The following MYH11 variants were observed in gnomAD, a reference collection of about 807,000 sequenced individuals.
MYH11 encodes the protein myosin-11.
Under a neutral mutation model 246.6 loss-of-function variants are expected in MYH11, and 80 were observed. The ratio of observed to expected loss-of-function variants is 0.32; its 90% CI spans 0.27 to 0.39. The LOEUF (loss-of-function observed/expected upper bound fraction) is 0.39. Among genes scored for constraint, MYH11 ranks in the 10% least tolerant of loss-of-function variants. The probability of loss-of-function intolerance (pLI) is 1.00; values close to 1 mark genes in which losing one functional copy is unlikely to be tolerated. For synonymous variants in MYH11, 1,071 were observed against 1,015.5 expected, an observed-to-expected ratio of 1.05 and a Z score of -1.04; for missense variants, 2,158 against 2,546.8, an observed-to-expected ratio of 0.85 and a Z score of 3.29.
At chr16:15,841,899 G>A (rs181411306) in intron 1 of MYH11, among the ~76,000 whole-genome samples, 1 of 152,212 alleles carries the variant, frequency 6.6e-6, no homozygotes, top group Admixed American at 6.5e-5. Context: ...TAATCCCCAC[G>A]CTTGGGCCCC....
chr16:15,776,056 C>T, intron 8 of MYH11, 22 bp downstream of exon 8: 1 of 1,547,778 alleles, frequency 6.5e-7, no homozygotes, highest in South Asian at 1.1e-5. Context: ...CATCCAATCA[C>T]ATGTCATTGC....
At chr16:15,763,741 T>TCCCCCCCCCCCCCCCCCCCCCC in intron 10 of MYH11, 55 bp downstream of exon 10, 3 of 646,842 alleles carry the variant, frequency 4.6e-6, no homozygotes, top group East Asian at 3.2e-5. Context: ...AAATGTCACC[T>TCCCCCCCCCCCCCCCCCCCCCC]CCCCCACCCC....
chr16:15,767,692 C>G (rs1010061343), intron 9 of MYH11, among the ~76,000 whole-genome samples: 8 of 152,004 alleles, frequency 5.3e-5, no homozygotes, highest in African/African-American at 1.9e-4. Context: ...AAGATGAGAT[C>G]ATCTTGGATT....
In MYH11 at chr16:15,717,307, C is replaced by T. The variant is rs906883862; in HGVS notation, c.5337G>A (p.Thr1779=). 6 of 1,612,150 alleles carry T rather than the reference C, an allele frequency of 3.7e-6. No homozygotes were observed. Among genetic ancestry groups the T allele is most frequent in the African/African-American group, 2.7e-5 (2 of 75,064 alleles). Residue 1779 remains threonine, a synonymous_variant, in exon 38 of 41, where the codon ACG becomes ACA. Coordinates refer to ENST00000300036, the MANE Select transcript of MYH11 (RefSeq NM_002474.3). Reference sequence around the variant, plus strand: ...GCCGGGCACTCTCATTCTTCTGGGCCGTGCTGCGCTCTGTGGCCAGCTCGT... The same window carrying T: ...GCCGGGCACTCTCATTCTTCTGGGCTGTGCTGCGCTCTGTGGCCAGCTCGT... ...LSNELATERS[T]AQKNESARQQ... is the part of the protein sequence containing the mutation.
chr16:15,748,783 T>C (rs973867518), intron 16 of MYH11, among the ~76,000 whole-genome samples: 1 of 151,766 alleles, frequency 6.6e-6, no homozygotes, highest in Non-Finnish European at 1.5e-5. Context: ...GCCTGGAAAA[T>C]TTTTAAAAAT....
chr16:15,818,727 T>C (rs188787431), intron 3 of MYH11, among the ~76,000 whole-genome samples: 1,933 of 152,008 alleles, frequency 0.013, 29 homozygotes, highest in Middle Eastern at 0.024. Flanking sequence ...TTAGCCACCG[T>C]GCCCGATTCT....
chr16:15,773,816 A>T (rs1430827200), intron 8 of MYH11, among the ~76,000 whole-genome samples: 1 of 152,218 alleles, frequency 6.6e-6, no homozygotes, highest in Non-Finnish European at 1.5e-5. Flanking sequence ...TAGCAAAAAC[A>T]GTTTGCCAAC....
intron 9 of MYH11, among the ~76,000 whole-genome samples, chr16:15,769,118 G>C (rs1032768481): frequency 8.5e-5 from 13 of 152,280 alleles, no homozygotes; most frequent in African/African-American, 2.9e-4. Context: ...TTTAAGACCA[G>C]CCTGGCCAAC....
chr16:15,739,122 CAG>C (rs1407216313), intron 23 of MYH11, among the ~76,000 whole-genome samples: 1 of 150,102 alleles, frequency 6.7e-6, no homozygotes, highest in African/African-American at 2.5e-5. Context: ...TTTTTTGAGA[CAG>C]AGTCTCACTC....
At chr16:15,776,947 T>G (rs995353811) in intron 7 of MYH11, among the ~76,000 whole-genome samples, 2 of 152,082 alleles carry the variant, frequency 1.3e-5, no homozygotes, top group African/African-American at 4.8e-5. Context: ...GCACTAAGCA[T>G]GATGGTGCGG....
At chr16:15,746,634 G>A (rs930548824) in intron 19 of MYH11, among the ~76,000 whole-genome samples, 1 of 152,068 alleles carries the variant, frequency 6.6e-6, no homozygotes, top group Non-Finnish European at 1.5e-5. Context: ...GCAGTCCCTG[G>A]GGTATGACTT....
intron 33 of MYH11, 87 bp from the exon 34 acceptor site, chr16:15,720,399 C>T: frequency 6.6e-7 from 1 of 1,508,820 alleles, no homozygotes; most frequent in Non-Finnish European, 9.0e-7. Context: ...TGCACCCCTT[C>T]CCCAGCACAG....
Position 15,708,856 on chromosome 16 carries a change from G to A in MYH11, c.5787-4733C>T, listed in dbSNP as rs772569815. On this transcript the variant is annotated intron_variant, in intron 40 of 40. Transcript: ENST00000300036. ...GGGGGGGCCCTCTGAAACAGAGAGA[G>A]AATCCCCGGAGGTTACCATCAGCAA... 33 of 1,608,476 alleles carry A rather than the reference G, an allele frequency of 2.1e-5. No individual in the cohort carries two copies. Among genetic ancestry groups the A allele is most frequent in the Non-Finnish European group, 2.7e-5 (32 of 1,177,688 alleles).
At chr16:15,786,555 T>G (rs773327137) in intron 5 of MYH11, 75 bp downstream of exon 5, 2 of 1,345,026 alleles carry the variant, frequency 1.5e-6, no homozygotes, top group African/African-American at 2.9e-5. Flanking sequence ...TGATGTTCTG[T>G]TTGTATCTCG....
intron 4 of MYH11, among the ~76,000 whole-genome samples, chr16:15,796,041 A>G (rs1192474323): frequency 1.3e-5 from 2 of 152,152 alleles, no homozygotes; most frequent in Admixed American, 6.5e-5. Context: ...AAGCAATGGG[A>G]GCAGGGAGCT....
chr16:15,850,747 T>C (rs912334955), intron 1 of MYH11, among the ~76,000 whole-genome samples: 6 of 151,758 alleles, frequency 4.0e-5, no homozygotes, highest in Admixed American at 1.3e-4. Context: ...ATACAAAAAT[T>C]AGCCAGGCAT....
chr16:15,708,872 C>T (rs1299549474), intron 40 of MYH11: 5 of 1,605,420 alleles, frequency 3.1e-6, no homozygotes, highest in Non-Finnish European at 3.4e-6. Context: ...CCGGAGGTTA[C>T]CATCAGCAAA....
At position 15,715,211 on chromosome 16, in the gene MYH11, G is replaced by A. The variant is rs142639688; in HGVS notation, c.5566C>T (p.Leu1856=). ...ATCTTGCGCTCGTCCTCCACCTGCA[G>A]CAAGATTTCCTTCAGCTTCTTGTCT... is the stretch of plus-strand genomic sequence containing the variant. ...QKDKKLKEIL[L]QVEDERKMAE... is the part of the protein sequence containing the mutation. Residue 1856 remains leucine, a synonymous_variant, in exon 39 of 41, where the codon CTG becomes TTG. Transcript: ENST00000300036. The A allele has an allele frequency of 2.3e-3, 3,686 of 1,613,992 alleles. 4 individuals are homozygous for A. The highest frequency in any genetic ancestry group is 3.0e-3 in the Non-Finnish European group (3,493 of 1,180,046).
At chr16:15,719,814 T>G (rs1342412302) in intron 34 of MYH11, 101 bp from the exon 35 acceptor site, 68 of 1,528,916 alleles carry the variant, frequency 4.4e-5, no homozygotes, top group Non-Finnish European at 5.8e-5. Flanking sequence ...TTTTCTGCAG[T>G]TGACCACAAA....
Sources: allele counts gnomAD v4.1 joint callset (sites outside exome capture counted in the v4.1 genomes callset), GRCh38; gene constraint gnomAD v4.1.1; transcripts MANE v1.5; gene names NCBI Gene and HGNC (gene_info 2026-07-23, HGNC 2026-07-21).